Variants in TAF15 observed in about 807,000 individuals in gnomAD.
TAF15 encodes the protein TATA-binding protein-associated factor 2N.
A neutral mutation model predicts 102.5 loss-of-function variants in TAF15; 37 were observed. The observed-to-expected ratio is 0.36, with a 90% CI of 0.28 to 0.47. The LOEUF is 0.47. TAF15 is among the 20% of genes least tolerant of loss of function. The pLI is 0.99. For missense variants in TAF15, 652 were observed against 760.7 expected, an observed-to-expected ratio of 0.86 and a Z score of 1.68; for synonymous variants, 273 against 259.2, an observed-to-expected ratio of 1.05 and a Z score of -0.51.
Position 35,844,843 on chromosome 17 carries a change from A to T in TAF15, c.1544A>T (p.Tyr515Phe). Residue 515 changes from tyrosine to phenylalanine, a missense_variant, in exon 15 of 16, where the codon TAT (tyrosine) becomes TTT (phenylalanine). By Grantham distance (22) the Tyr-to-Phe change is conservative (BLOSUM62 3). Coordinates refer to ENST00000605844, the MANE Select transcript of TAF15 (RefSeq NM_139215.3). ...RGGYGGDRGG[Y>F]GGDRGGYGGD... ...GGTTACGGAGGAGATCGAGGAGGTT[A>T]TGGAGGAGATCGAGGAGGCTATGGA... 6.2e-7 allele frequency: 1 copy of T among 1,600,844 alleles called. No individual in the cohort carries two copies.
At chr17:35,820,506 A>G in intron 5 of TAF15, 69 bp downstream of exon 5, 1 of 1,467,662 alleles carries the variant, frequency 6.8e-7, no homozygotes, top group Non-Finnish European at 9.4e-7. Context: ...AACAGATTTA[A>G]CCAACAAAAT....
intron 2 of TAF15, among the ~76,000 whole-genome samples, chr17:35,819,687 A>G (rs1463263964): frequency 6.6e-6 from 1 of 152,200 alleles, no homozygotes; most frequent in Non-Finnish European, 1.5e-5. Flanking sequence ...GGTATTTATT[A>G]TAAGTCTTGC....
intron 7 of TAF15, among the ~76,000 whole-genome samples, chr17:35,831,476 T>C (rs1372862423): frequency 2.6e-5 from 4 of 152,002 alleles, no homozygotes; most frequent in Non-Finnish European, 5.9e-5. Flanking sequence ...CCTATTTAAA[T>C]GTCATTTGTT....
intron 10 of TAF15, among the ~76,000 whole-genome samples, chr17:35,837,926 G>A (rs537021522): frequency 6.3e-4 from 96 of 152,204 alleles, no homozygotes; most frequent in Non-Finnish European, 1.8e-4. Context: ...CCTGTAATCA[G>A]CACTTAATCA....
chr17:35,841,208 G>A (rs1156593184), intron 11 of TAF15, among the ~76,000 whole-genome samples: 1 of 152,176 alleles, frequency 6.6e-6, no homozygotes, highest in African/African-American at 2.4e-5. Context: ...TGGTACCAAG[G>A]GCATATGGTA....
At chr17:35,836,086 A>G (rs1418086292) in intron 9 of TAF15, 46 bp from the exon 10 acceptor site, 1 of 1,311,340 alleles carries the variant, frequency 7.6e-7, no homozygotes, top group Non-Finnish European at 1.1e-6. Context: ...ACAGAATGTC[A>G]TAACCAAGGA....
intron 11 of TAF15, among the ~76,000 whole-genome samples, chr17:35,838,850 A>G (rs1483989855): frequency 9.9e-5 from 15 of 152,238 alleles, no homozygotes; most frequent in Admixed American, 9.8e-4. Flanking sequence ...TAAAAGGTAC[A>G]GAGATGGCAT....
At chr17:35,833,810 A>T (rs2087436798) in intron 7 of TAF15, 97 bp from the exon 8 acceptor site, 1 of 1,244,912 alleles carries the variant, frequency 8.0e-7, no homozygotes, top group East Asian at 2.4e-5. Context: ...TGTTTTCCTA[A>T]GCACTCTACT....
intron 9 of TAF15, among the ~76,000 whole-genome samples, chr17:35,835,306 C>G (rs913769214): frequency 1.3e-5 from 2 of 152,144 alleles, no homozygotes; most frequent in Non-Finnish European, 2.9e-5. Flanking sequence ...CTTAAGTGTG[C>G]TGACTTAGTG....
intron 11 of TAF15, among the ~76,000 whole-genome samples, chr17:35,838,840 T>A (rs939211871): frequency 1.3e-5 from 2 of 152,184 alleles, no homozygotes; most frequent in African/African-American, 4.8e-5. Context: ...AAAATAAATT[T>A]AAAAGGTACA....
intron 7 of TAF15, among the ~76,000 whole-genome samples, chr17:35,831,205 A>G (rs1436638716): frequency 6.6e-6 from 1 of 152,156 alleles, no homozygotes; most frequent in Admixed American, 6.5e-5. Context: ...GATTGAGACC[A>G]TCCTGGCTAA....
At chr17:35,812,868 C>G (rs867447011) in intron 1 of TAF15, among the ~76,000 whole-genome samples, 1 of 152,034 alleles carries the variant, frequency 6.6e-6, no homozygotes. Context: ...TGGCTCATGC[C>G]TGTAATCCCA....
intron 9 of TAF15, 91 bp downstream of exon 9, chr17:35,834,689 C>G: frequency 3.5e-6 from 4 of 1,134,504 alleles, no homozygotes; most frequent in Non-Finnish European, 3.9e-6. Flanking sequence ...GGGCTTAGTA[C>G]AGGAGGAAGA....
At chr17:35,814,830 G>A (rs959318678) in intron 1 of TAF15, among the ~76,000 whole-genome samples, 2 of 151,340 alleles carry the variant, frequency 1.3e-5, no homozygotes, top group Admixed American at 6.6e-5. Context: ...TCCATCCTGG[G>A]TGATAGAGTG....
intron 1 of TAF15, 73 bp downstream of exon 1, chr17:35,809,649 C>T: frequency 1.2e-6 from 2 of 1,603,056 alleles, no homozygotes; most frequent in South Asian, 2.2e-5. Flanking sequence ...TTCCCGCCCA[C>T]CGGAGGGCCC....
Position 35,809,508 on chromosome 17 carries a change from C to A in TAF15, c.-62C>A. On this transcript the variant is annotated 5_prime_UTR_variant, in exon 1 of 16. Transcript: ENST00000605844. ...CAGTACAGCTCCGGCCGCCGCGCCG[C>A]CTGGCTTTCGTATTCGTTGTTCTCG... is the stretch of plus-strand genomic sequence containing the variant. 1 of 1,610,668 alleles carries A rather than the reference C, an allele frequency of 6.2e-7. No individual in the cohort carries two copies. Among genetic ancestry groups the A allele is most frequent in the Non-Finnish European group, 8.5e-7 (1 of 1,179,390 alleles).
chr17:35,822,238 G>A (rs1176967369), intron 5 of TAF15, among the ~76,000 whole-genome samples: 1 of 151,840 alleles, frequency 6.6e-6, no homozygotes, highest in East Asian at 1.9e-4. Flanking sequence ...CTACTCGGGA[G>A]GCTGAGGCAG....
At chr17:35,834,537 T>A in intron 8 of TAF15, 29 bp from the exon 9 acceptor site, 1 of 1,610,840 alleles carries the variant, frequency 6.2e-7, no homozygotes, top group Non-Finnish European at 8.5e-7. Context: ...TTGCCTTAAA[T>A]AGCTCTTTTT....
intron 7 of TAF15, chr17:35,830,137 G>A (rs2087384397): frequency 6.7e-6 from 1 of 150,174 alleles, no homozygotes; most frequent in Non-Finnish European, 1.5e-5. Context: ...TGAAACTCTT[G>A]TCTCAGAAAA....
Sources: allele counts gnomAD v4.1 joint callset (sites outside exome capture counted in the v4.1 genomes callset), GRCh38; gene constraint gnomAD v4.1.1; transcripts MANE v1.5; gene names NCBI Gene and HGNC (gene_info 2026-07-23, HGNC 2026-07-21).